IL6ST: variants seen among roughly 807,000 people sequenced by gnomAD.
The protein encoded by IL6ST is interleukin-6 receptor subunit beta.
IL6ST carries 24 observed loss-of-function variants against 91.3 expected under a neutral mutation model. The ratio of observed to expected loss-of-function variants is 0.26; its 90% CI spans 0.19 to 0.37. The LOEUF (loss-of-function observed/expected upper bound fraction) is 0.37, where lower values mean the gene tolerates loss of function less well. Among genes scored for constraint, IL6ST ranks in the 10% least tolerant of loss-of-function variants. The pLI is 1.00. For synonymous variants in IL6ST, 351 were observed against 373.6 expected, an observed-to-expected ratio of 0.94 and a Z score of 0.70; for missense variants, 914 against 1,078.5, an observed-to-expected ratio of 0.85 and a Z score of 2.14.
chr5:55,964,239 C>T lies in IL6ST; in HGVS notation c.565G>A (p.Val189Met), dbSNP rs751581504. ...PTSCTVDYST[V>M]YFVNIEVWVE... ...CAGACTTCAATGTTGACAAAATACA[C>T]AGTAGAATAATCAACAGTGCATGAG... Residue 189 changes from valine (V) to methionine (M), a missense_variant, in exon 6 of 17, where the codon GTG becomes ATG. Val to Met is a conservative substitution (Grantham distance 21). Transcript: ENST00000381298. The T allele has an allele frequency of 6.2e-7, 1 of 1,610,716 alleles. No individual in the cohort carries two copies. Among genetic ancestry groups the T allele is most frequent in the Non-Finnish European group, 8.5e-7 (1 of 1,177,582 alleles).
At chr5:55,983,186 A>G (rs558215197) in intron 1 of IL6ST, among the ~76,000 whole-genome samples, 1 of 152,160 alleles carries the variant, frequency 6.6e-6, no homozygotes, top group East Asian at 1.9e-4. Context: ...TTTAGTACAG[A>G]TAGTGTTTTG....
chr5:55,954,861 T>C lies in IL6ST; in HGVS notation c.1399A>G (p.Ile467Val). 1 of 1,613,768 alleles carries C rather than the reference T, an allele frequency of 6.2e-7. No homozygotes were observed. Reference protein sequence around the residue: ...WCVLSDKAPCITDWQQEDGTV... With the variant: ...WCVLSDKAPCVTDWQQEDGTV... Reference sequence around the variant, plus strand: ...CCATCTTCTTGTTGCCAGTCTGTGATACAGGGTGCTTTATCTGATAACACA... The same window carrying C: ...CCATCTTCTTGTTGCCAGTCTGTGACACAGGGTGCTTTATCTGATAACACA... The change falls in exon 11 of 17, where the codon ATC (isoleucine) becomes GTC (valine). Residue 467 changes from isoleucine (I) to valine (V), a missense_variant. Physicochemically the swap from Ile to Val is conservative, Grantham distance 29. Transcript: ENST00000381298.
intron 11 of IL6ST, among the ~76,000 whole-genome samples, chr5:55,954,211 T>C (rs1206904010): frequency 6.6e-6 from 1 of 152,232 alleles, no homozygotes; most frequent in Non-Finnish European, 1.5e-5. Flanking sequence ...AACCATATTA[T>C]TCACAGCTGA....
intron 5 of IL6ST, 90 bp downstream of exon 5, chr5:55,968,186 A>T: frequency 5.5e-6 from 6 of 1,097,590 alleles, no homozygotes; most frequent in Non-Finnish European, 7.9e-6. Flanking sequence ...TTAAAATAGC[A>T]TTTAATATTA....
chr5:55,994,189 TA>T (rs1754505269), intron 1 of IL6ST: 1 of 152,028 alleles, frequency 6.6e-6, no homozygotes, highest in African/African-American at 2.4e-5. Context: ...TTCAAAAGTT[TA>T]GGTCGGAGGA....
rs181301354 is a variant in IL6ST at position 55,967,607 on chromosome 5, T to A, written c.491+669A>T. The stretch of plus-strand genomic sequence containing the variant: ...AGTGGTATGTTGTTATGCTTTTTTT[T>A]AAAATGTCCTCATCTTTTAGAGACG... On this transcript the variant is annotated intron_variant, in intron 5 of 16. Transcript: ENST00000381298. 1.4e-3 allele frequency among the ~76,000 whole-genome samples: 215 copies of A among 152,128 alleles called. 1 individual carries two copies. The highest frequency in any genetic ancestry group is 1.9e-3 in the Non-Finnish European group (129 of 68,006).
intron 15 of IL6ST, among the ~76,000 whole-genome samples, chr5:55,945,035 T>C (rs1462687472): frequency 2.9e-5 from 3 of 102,978 alleles, no homozygotes; most frequent in East Asian, 5.1e-4. Flanking sequence ...GCTGAGGAAT[T>C]AAATCAAAAA....
chr5:55,983,294 A>G (rs1012375607), intron 1 of IL6ST, among the ~76,000 whole-genome samples: 1 of 152,142 alleles, frequency 6.6e-6, no homozygotes, highest in East Asian at 1.9e-4. Context: ...CCCTAGTGCT[A>G]TGATTTGATA....
chr5:55,986,529 T>C (rs1336293297), intron 1 of IL6ST, among the ~76,000 whole-genome samples: 1 of 152,218 alleles, frequency 6.6e-6, no homozygotes, highest in Non-Finnish European at 1.5e-5. Flanking sequence ...TAATCTCTGC[T>C]TTCCAATTGG....
intron 4 of IL6ST, among the ~76,000 whole-genome samples, chr5:55,968,780 CTCT>C (rs1752783883): frequency 6.6e-6 from 1 of 152,156 alleles, no homozygotes; most frequent in South Asian, 2.1e-4. Context: ...ATTTATATTT[CTCT>C]TCTTATTGCT....
intron 7 of IL6ST, among the ~76,000 whole-genome samples, chr5:55,960,778 C>T (rs1377129890): frequency 5.3e-5 from 8 of 151,792 alleles, no homozygotes; most frequent in African/African-American, 1.7e-4. Context: ...TACAGGTGCC[C>T]GCCACCACTC....
intron 10 of IL6ST, 143 bp from the exon 11 acceptor site, chr5:55,955,135 C>G (rs1751877034): frequency 1.6e-6 from 1 of 619,682 alleles, no homozygotes; most frequent in African/African-American, 1.9e-5. Flanking sequence ...TTATAACTTA[C>G]AGGTAAAGTA....
chr5:55,984,261 C>T (rs1421617135), intron 1 of IL6ST, among the ~76,000 whole-genome samples: 1 of 152,096 alleles, frequency 6.6e-6, no homozygotes, highest in Non-Finnish European at 1.5e-5. Flanking sequence ...GTTTGCCAAC[C>T]CCTGTTCTAA....
intron 8 of IL6ST, 74 bp downstream of exon 8, chr5:55,960,328 A>G (rs982661125): frequency 7.0e-6 from 8 of 1,149,294 alleles, no homozygotes; most frequent in African/African-American, 3.1e-5. Context: ...CAATGAGGCT[A>G]TATTATTAAA....
chr5:55,939,705 C>T lies in IL6ST; in HGVS notation c.*1377G>A, dbSNP rs1178093177. ...ATTTAGCATCTGCTTCCATATCGCA[C>T]GTGGTGGTTAGGGGACAGCATAAGT... is the stretch of plus-strand genomic sequence containing the variant. On this transcript the variant is annotated 3_prime_UTR_variant, in exon 17 of 17. Transcript: ENST00000381298. The T allele has an allele frequency of 2.4e-5, 5 of 207,080 alleles. No homozygotes were observed. Among genetic ancestry groups the T allele is most frequent in the African/African-American group, 9.1e-5 (4 of 43,914 alleles). 12.8% of individuals were successfully genotyped at this position (207,080 alleles called of 1,614,324 possible). A position where few individuals can be genotyped will look rare whatever the true frequency, so the allele number is the denominator to read the frequency against.
At chr5:55,977,997 T>C in intron 2 of IL6ST, among the ~76,000 whole-genome samples, 1 of 142,498 alleles carries the variant, frequency 7.0e-6, no homozygotes, top group South Asian at 2.2e-4. Context: ...AAATTCTATT[T>C]AAAAAAAAAA....
intron 5 of IL6ST, among the ~76,000 whole-genome samples, chr5:55,965,712 C>T (rs1237599961): frequency 6.7e-6 from 1 of 149,624 alleles, no homozygotes; most frequent in African/African-American, 2.5e-5. Flanking sequence ...ATGAATGAGC[C>T]GGGCGGGGTG....
At chr5:55,945,361 T>C (rs1208252999) in intron 15 of IL6ST, among the ~76,000 whole-genome samples, 2 of 152,070 alleles carry the variant, frequency 1.3e-5, no homozygotes, top group African/African-American at 2.4e-5. Flanking sequence ...ATAAAGACAA[T>C]TGCTTTTGGC....
At chr5:55,976,071 A>C (rs1753270651) in intron 3 of IL6ST, 144 bp downstream of exon 3, 1 of 394,738 alleles carries the variant, frequency 2.5e-6, no homozygotes, top group Non-Finnish European at 4.5e-6. Flanking sequence ...TTTTATTAAA[A>C]TCAATTTAAG....
Sources: gnomAD v4.1 joint callset for allele counts (sites outside exome capture counted in the v4.1 genomes callset) on GRCh38, gnomAD v4.1.1 for gene constraint, MANE v1.5 for transcripts, NCBI Gene and HGNC (gene_info 2026-07-23, HGNC 2026-07-21) for gene names.